The following ERBB4 variants were observed in gnomAD, a reference collection of about 807,000 sequenced individuals.
ERBB4 encodes receptor tyrosine-protein kinase erbB-4.
ERBB4 carries 42 observed loss-of-function variants against 158.0 expected under a neutral mutation model. The ratio of observed to expected loss-of-function variants is 0.27; its 90% CI spans 0.21 to 0.34. The LOEUF (loss-of-function observed/expected upper bound fraction) is 0.34. Ranked by LOEUF, ERBB4 falls within the 10% of genes least tolerant of loss-of-function variation. The probability of loss-of-function intolerance (pLI) is 1.00; values close to 1 mark genes in which losing one functional copy is unlikely to be tolerated. For synonymous variants in ERBB4, 583 were observed against 558.7 expected (o/e 1.04, Z -0.61); for missense variants, 1,333 against 1,624.1 (o/e 0.82, Z 3.08).
At chr2:211,566,850 T>G (rs1439171313) in intron 19 of ERBB4, among the ~76,000 whole-genome samples, 1 of 152,186 alleles carries the variant, frequency 6.6e-6, no homozygotes, top group Non-Finnish European at 1.5e-5. Context: ...GGCTCTGAAT[T>G]TTTTGTGTAT....
At chr2:211,746,762 G>A (rs994608537) in intron 5 of ERBB4, among the ~76,000 whole-genome samples, 2 of 151,104 alleles carry the variant, frequency 1.3e-5, no homozygotes, top group Admixed American at 6.6e-5. Context: ...CCCGGGAGGC[G>A]GAGGTTGCAC....
At position 212,480,476 on chromosome 2, in the gene ERBB4, T is replaced by C. The variant is rs557824260; in HGVS notation, c.82+57973A>G. ...GAAACAAATATAAAACTTCTAAGGA[T>C]AGCTTGATAGTATTTTCCTTGAGTC... On this transcript the variant is annotated intron_variant, in intron 1 of 27. Transcript: ENST00000342788. Among the ~76,000 whole-genome samples, 8 of 152,330 alleles carry C rather than the reference T, an allele frequency of 5.3e-5. No homozygotes were observed. The East Asian group carries it at 1.2e-3, about 22-fold the overall frequency.
intron 1 of ERBB4, among the ~76,000 whole-genome samples, chr2:212,255,252 T>C (rs2084684967): frequency 6.6e-6 from 1 of 152,170 alleles, no homozygotes. Flanking sequence ...TTTTTTAAAA[T>C]TTGAAAAATA....
intron 1 of ERBB4, among the ~76,000 whole-genome samples, chr2:212,478,359 T>A (rs1209941626): frequency 6.6e-6 from 1 of 152,046 alleles, no homozygotes; most frequent in Non-Finnish European, 1.5e-5. Context: ...AAAGGTGAAT[T>A]AGTACAACTA....
At chr2:211,688,123 T>A (rs1447499773) in intron 12 of ERBB4, among the ~76,000 whole-genome samples, 1 of 152,240 alleles carries the variant, frequency 6.6e-6, no homozygotes, top group East Asian at 1.9e-4. Flanking sequence ...TGACATCGTA[T>A]TTGAAGACAA....
chr2:212,191,679 TGTTATACATGTTACATATAACAC>T (rs2082220065), intron 1 of ERBB4, among the ~76,000 whole-genome samples: 6 of 51,778 alleles, frequency 1.2e-4, no homozygotes, highest in Admixed American at 2.0e-4. Context: ...ATATCGCGTG[TGTTATACATGTTACATATAACAC>T]GTGTTATACA....
intron 25 of ERBB4, among the ~76,000 whole-genome samples, chr2:211,408,236 G>T (rs2063184949): frequency 6.6e-6 from 1 of 152,080 alleles, no homozygotes; most frequent in Admixed American, 6.6e-5. Flanking sequence ...TAAAGAATAG[G>T]CTTCTTGATG....
At chr2:211,488,823 G>A (rs936646450) in intron 20 of ERBB4, among the ~76,000 whole-genome samples, 1 of 151,950 alleles carries the variant, frequency 6.6e-6, no homozygotes, top group African/African-American at 2.4e-5. Context: ...GAGTAAAAAG[G>A]TGAGAGCACC....
chr2:211,909,577 A>G (rs555401867), intron 3 of ERBB4, among the ~76,000 whole-genome samples: 1 of 151,966 alleles, frequency 6.6e-6, no homozygotes, highest in Non-Finnish European at 1.5e-5. Context: ...GTATCTAATC[A>G]TAGAAAAAGT....
intron 1 of ERBB4, among the ~76,000 whole-genome samples, chr2:212,324,139 C>T (rs539956909): frequency 9.3e-5 from 14 of 150,754 alleles, no homozygotes; most frequent in Admixed American, 5.3e-4. Context: ...CAGTTGCTTT[C>T]GGCAGCCGTC....
intron 3 of ERBB4, among the ~76,000 whole-genome samples, chr2:211,806,852 CAAT>C (rs1424132529): frequency 2.6e-5 from 4 of 152,082 alleles, no homozygotes; most frequent in African/African-American, 9.6e-5. Context: ...GTAAAAATCA[CAAT>C]AATGTAAGTA....
intron 4 of ERBB4, among the ~76,000 whole-genome samples, chr2:211,776,073 T>C (rs1379608226): frequency 1.3e-5 from 2 of 152,194 alleles, no homozygotes; most frequent in Non-Finnish European, 2.9e-5. Context: ...GCGAATGGTT[T>C]TGTTAATGTA....
intron 1 of ERBB4, among the ~76,000 whole-genome samples, chr2:212,390,121 C>T (rs552466351): frequency 1.6e-4 from 24 of 151,888 alleles, no homozygotes; most frequent in Admixed American, 1.3e-4. Context: ...AATGCAAAAT[C>T]TTAAATGACT....
intron 20 of ERBB4, among the ~76,000 whole-genome samples, chr2:211,501,959 A>G (rs1421115332): frequency 6.6e-6 from 1 of 152,086 alleles, no homozygotes; most frequent in Non-Finnish European, 1.5e-5. Flanking sequence ...TCCTCCATAT[A>G]CTTTTCCCCT....
intron 1 of ERBB4, among the ~76,000 whole-genome samples, chr2:212,435,443 G>C (rs182220843): frequency 3.2e-4 from 49 of 152,042 alleles, no homozygotes; most frequent in Admixed American, 1.8e-3. Flanking sequence ...TACACAATGT[G>C]AACACCTATT....
At chr2:212,190,311 C>T (rs948489512) in intron 1 of ERBB4, among the ~76,000 whole-genome samples, 4 of 152,022 alleles carry the variant, frequency 2.6e-5, no homozygotes, top group South Asian at 2.1e-4. Flanking sequence ...CCAAGGCGGG[C>T]GGATCACGAG....
intron 3 of ERBB4, among the ~76,000 whole-genome samples, chr2:211,838,154 T>G (rs1273463872): frequency 6.6e-6 from 1 of 152,042 alleles, no homozygotes; most frequent in African/African-American, 2.4e-5. Context: ...TCGCTTTCCA[T>G]GTATTGCAAC....
chr2:211,512,487 A>C (rs1357266156), intron 20 of ERBB4, among the ~76,000 whole-genome samples: 1 of 152,070 alleles, frequency 6.6e-6, no homozygotes, highest in African/African-American at 2.4e-5. Context: ...AACTTCCTAA[A>C]AATATTCAGA....
intron 1 of ERBB4, among the ~76,000 whole-genome samples, chr2:212,413,134 ATTTTTT>A (rs370397826): frequency 1.2e-4 from 12 of 101,258 alleles, no homozygotes; most frequent in Admixed American, 8.3e-4. Context: ...TGCGTGGCTA[ATTTTTT>A]TTTTTTTTTT....
Sources: allele counts gnomAD v4.1 joint callset (sites outside exome capture counted in the v4.1 genomes callset), GRCh38; gene constraint gnomAD v4.1.1; transcripts MANE v1.5; gene names NCBI Gene and HGNC (gene_info 2026-07-23, HGNC 2026-07-21).